The following YY1 variants were observed in gnomAD, a reference collection of about 807,000 sequenced individuals.
YY1 encodes transcriptional repressor protein YY1.
Under a neutral mutation model 35.6 loss-of-function variants are expected in YY1, and 2 were observed. The observed-to-expected ratio is 0.06, with a 90% CI of 0.02 to 0.18. The LOEUF (loss-of-function observed/expected upper bound fraction) is 0.18. Among genes scored for constraint, YY1 ranks in the 10% least tolerant of loss-of-function variants. YY1 has a pLI of 1.00. For synonymous variants in YY1, 268 were observed against 238.9 expected, an observed-to-expected ratio of 1.12 and a Z score of -1.12; for missense variants, 322 against 573.4, an observed-to-expected ratio of 0.56 and a Z score of 4.48.
At chr14:100,251,435 G>C (rs998337866) in intron 1 of YY1, among the ~76,000 whole-genome samples, 1 of 152,238 alleles carries the variant, frequency 6.6e-6, no homozygotes, top group African/African-American at 2.4e-5. Context: ...CTCACTGCTG[G>C]CCTCTAGAAC....
In YY1 at chr14:100,276,814, G is replaced by A. The variant is rs571068751; in HGVS notation, c.1062+166G>A. ...TGGGGAGTCGCTTAGAAGGGTTGCC[G>A]GGGCTCTGGACATCCTTGTCTATAC... On this transcript the variant is annotated intron_variant, in intron 4 of 4. Coordinates refer to ENST00000262238, the MANE Select transcript of YY1 (RefSeq NM_003403.5). This position sits in a 1 kb window ranked among gnomAD's most constrained non-coding sequence, Gnocchi z 4.1. 39 of 946,756 alleles carry A rather than the reference G, an allele frequency of 4.1e-5. No homozygotes were observed. Among genetic ancestry groups the A allele is most frequent in the African/African-American group, 3.9e-4 (24 of 61,206 alleles). 58.6% of individuals were successfully genotyped at this position (946,756 alleles called of 1,614,324 possible).
At position 100,270,495 on chromosome 14, in the gene YY1, C is replaced by T. The variant is rs374124934; in HGVS notation, c.843-4203C>T. 5.1e-4 allele frequency among the ~76,000 whole-genome samples: 77 copies of T among 149,540 alleles called. No individual in the cohort carries two copies. In the Middle Eastern group the frequency reaches 0.018, roughly 35 times the overall value. On this transcript the variant is annotated intron_variant, in intron 2 of 4. Transcript: ENST00000262238. ...AAAAATAGCCAGGCATGGTGGCACGCGCCTGTAATCCCAGCTACTCAGGAG... is the reference window on the plus strand; with the variant it reads ...AAAAATAGCCAGGCATGGTGGCACGTGCCTGTAATCCCAGCTACTCAGGAG...
chr14:100,276,671 C>T lies in YY1; in HGVS notation c.1062+23C>T. 1 of 1,613,994 alleles carries T rather than the reference C, an allele frequency of 6.2e-7. No individual in the cohort carries two copies. The highest frequency in any genetic ancestry group is 1.1e-5 in the South Asian group (1 of 91,072). On this transcript the variant is annotated intron_variant, in intron 4 of 4. Coordinates refer to ENST00000262238, the MANE Select transcript of YY1 (RefSeq NM_003403.5). The surrounding 1 kb of genome is among the most constrained non-coding windows in gnomAD (Gnocchi z 4.1). ...CAGGTAGAGCCAGTTCCCTCTCTTC[C>T]CCACACTGCCTTGCCTGTCTGAACA...
At chr14:100,274,661 C>G (rs1891294416) in intron 2 of YY1, 37 bp from the exon 3 acceptor site, 6 of 1,592,750 alleles carry the variant, frequency 3.8e-6, no homozygotes, top group Non-Finnish European at 5.2e-6. Flanking sequence ...CTACCCACTC[C>G]TACAAATCTG....
At chr14:100,249,748 G>GGTT (rs1890892833) in intron 1 of YY1, among the ~76,000 whole-genome samples, 1 of 141,032 alleles carries the variant, frequency 7.1e-6, no homozygotes, top group African/African-American at 2.7e-5. Flanking sequence ...GCTACTTACC[G>GGTT]TTTTTTTTTT....
chr14:100,266,416 G>C (rs1031015035), intron 2 of YY1, among the ~76,000 whole-genome samples: 2 of 152,210 alleles, frequency 1.3e-5, no homozygotes, highest in Non-Finnish European at 2.9e-5. Flanking sequence ...TTTGAAGAGA[G>C]AGGGAATCTA....
intron 1 of YY1, among the ~76,000 whole-genome samples, chr14:100,241,748 G>A (rs1471519289): frequency 2.0e-5 from 3 of 152,206 alleles, no homozygotes; most frequent in African/African-American, 7.2e-5. Flanking sequence ...GCTGAGGCCG[G>A]TGGATCACTT....
In YY1 at chr14:100,276,666, T is replaced by G. The variant is rs140214753; in HGVS notation, c.1062+18T>G. The G allele has an allele frequency of 6.2e-7, 1 of 1,614,090 alleles. No homozygotes were observed. Among genetic ancestry groups the G allele is most frequent in the East Asian group, 2.2e-5 (1 of 44,886 alleles). ...CCTTTCAGGTAGAGCCAGTTCCCTCTCTTCCCCACACTGCCTTGCCTGTCT... is the reference window on the plus strand; with the variant it reads ...CCTTTCAGGTAGAGCCAGTTCCCTCGCTTCCCCACACTGCCTTGCCTGTCT... On this transcript the variant is annotated intron_variant, in intron 4 of 4. Transcript: ENST00000262238. The surrounding 1 kb of genome is among the most constrained non-coding windows in gnomAD (Gnocchi z 4.1).
chr14:100,258,955 CTG>C (rs1891042362), intron 1 of YY1, among the ~76,000 whole-genome samples: 1 of 152,174 alleles, frequency 6.6e-6, no homozygotes, highest in East Asian at 1.9e-4. Flanking sequence ...GGTCAGAAAG[CTG>C]TGTGCTAAGC....
chr14:100,255,724 C>T (rs1361335035), intron 1 of YY1, among the ~76,000 whole-genome samples: 4 of 152,178 alleles, frequency 2.6e-5, no homozygotes, highest in African/African-American at 7.2e-5. Flanking sequence ...ACAGACCATG[C>T]AGCCTCTCTT....
chr14:100,239,451 CCACCACCACCACCACCAT>C lies in YY1; in HGVS notation c.224_241del (p.His75_His80del), dbSNP rs1456799809. ...GCGGGGGCGGCCACGGGCACGCCGG[CCACCACCACCACCACCAT>C]CACCACCACCACCACCCGCCCATGA... On this transcript the variant is annotated inframe_deletion, in exon 1 of 5. Transcript: ENST00000262238. 21 of 1,447,842 alleles carry C rather than the reference CCACCACCACCACCACCAT, an allele frequency of 1.5e-5. No homozygotes were observed. The highest frequency in any genetic ancestry group is 1.7e-4 in the Middle Eastern group (1 of 5,880). The allele number at this position is 1,447,842 out of a possible 1,614,324, so 89.7% of individuals were successfully genotyped here.
chr14:100,260,107 C>T (rs775556261), intron 1 of YY1, among the ~76,000 whole-genome samples: 2 of 151,812 alleles, frequency 1.3e-5, no homozygotes, highest in East Asian at 2.0e-4. Context: ...TGTTTTGAGA[C>T]GGGGTCTTGC....
intron 1 of YY1, among the ~76,000 whole-genome samples, chr14:100,260,164 C>T (rs1566775702): frequency 6.6e-6 from 1 of 152,126 alleles, no homozygotes; most frequent in Admixed American, 6.6e-5. Context: ...GCAACCTCCA[C>T]TTCCCGGGTT....
At position 100,242,457 on chromosome 14, in the gene YY1, C is replaced by T. The variant is rs555919119; in HGVS notation, c.679+2534C>T. Among the ~76,000 whole-genome samples, 190 of 135,962 alleles carry T rather than the reference C, an allele frequency of 1.4e-3. 2 individuals are homozygous for T. The highest frequency in any genetic ancestry group is 0.011 in the Middle Eastern group (2 of 190). 89.2% of individuals were successfully genotyped at this position (135,962 alleles called of 152,430 possible). On this transcript the variant is annotated intron_variant, in intron 1 of 4. Transcript: ENST00000262238. ...AGGCTGGTGTGCAGTGGCATGATCT[C>T]GGCTCACGGCAAGCTCCGCCTCCCG...
intron 1 of YY1, among the ~76,000 whole-genome samples, chr14:100,249,873 A>T (rs1413088851): frequency 6.6e-6 from 1 of 151,832 alleles, no homozygotes; most frequent in Non-Finnish European, 1.5e-5. Context: ...TCCCAGGTTC[A>T]AGCAATTCTC....
At chr14:100,273,413 C>CGAGTGGT (rs1891273724) in intron 2 of YY1, among the ~76,000 whole-genome samples, 1 of 152,174 alleles carries the variant, frequency 6.6e-6, no homozygotes, top group Admixed American at 6.5e-5. Context: ...TTCGGCTTCC[C>CGAGTGGT]GAGTGGTTGG....
chr14:100,273,653 C>T (rs1201394085), intron 2 of YY1, among the ~76,000 whole-genome samples: 1 of 152,114 alleles, frequency 6.6e-6, no homozygotes, highest in Non-Finnish European at 1.5e-5. Flanking sequence ...GCGTGACCCA[C>T]CACACCCGGC....
intron 1 of YY1, among the ~76,000 whole-genome samples, chr14:100,254,497 G>A (rs536405555): frequency 4.0e-5 from 6 of 151,766 alleles, no homozygotes; most frequent in East Asian, 1.9e-4. Context: ...TTACTCTGTC[G>A]CCCAGGCTGG....
chr14:100,241,502 G>A (rs1890741205), intron 1 of YY1, among the ~76,000 whole-genome samples: 1 of 152,162 alleles, frequency 6.6e-6, no homozygotes. Flanking sequence ...CTAATAGGAA[G>A]GTGCTAACAG....
Sources: gnomAD v4.1 joint callset for allele counts (sites outside exome capture counted in the v4.1 genomes callset) on GRCh38, gnomAD v4.1.1 for gene constraint, Gnocchi (gnomAD v3.1) non-coding constraint, MANE v1.5 for transcripts, NCBI Gene and HGNC (gene_info 2026-07-23, HGNC 2026-07-21) for gene names.